The following FREM3 variants were observed in gnomAD, a reference collection of about 807,000 sequenced individuals.
The protein encoded by FREM3 is FRAS1-related extracellular matrix protein 3.
Under a neutral mutation model 129.1 loss-of-function variants are expected in FREM3, and 105 were observed. The ratio of observed to expected loss-of-function variants is 0.81; its 90% CI spans 0.69 to 0.96. FREM3 has a LOEUF of 0.96. Ranked by LOEUF, FREM3 falls within the 40% of genes least tolerant of loss-of-function variation. FREM3 has a pLI of 0.00. For missense variants in FREM3, 2,593 were observed against 2,666.3 expected (o/e 0.97, Z 0.61); for synonymous variants, 1,014 against 1,044.9 (o/e 0.97, Z 0.57).
intron 2 of FREM3, among the ~76,000 whole-genome samples, chr4:143,666,855 G>T (rs1475602349): frequency 1.3e-5 from 2 of 151,594 alleles, no homozygotes. Flanking sequence ...ACCTAAGAAT[G>T]GTTAAAATTA....
intron 6 of FREM3, 75 bp from the exon 7 acceptor site, chr4:143,586,068 G>T: frequency 7.2e-7 from 1 of 1,398,430 alleles, no homozygotes; most frequent in Non-Finnish European, 9.7e-7. Flanking sequence ...CCCTGTGTGA[G>T]CCTGGGCATT....
intron 2 of FREM3, among the ~76,000 whole-genome samples, chr4:143,642,232 C>A (rs1415579556): frequency 6.6e-6 from 1 of 151,968 alleles, no homozygotes; most frequent in Admixed American, 6.6e-5. Context: ...CTACCCAAAG[C>A]AATCTACAGA....
intron 2 of FREM3, among the ~76,000 whole-genome samples, chr4:143,650,781 C>A (rs935320311): frequency 6.6e-6 from 1 of 152,210 alleles, no homozygotes; most frequent in Non-Finnish European, 1.5e-5. Flanking sequence ...TATGAGCCAC[C>A]ACAGCCAGCA....
chr4:143,586,720 G>A (rs1367090451), intron 6 of FREM3, among the ~76,000 whole-genome samples: 6 of 152,144 alleles, frequency 3.9e-5, no homozygotes, highest in East Asian at 1.9e-4. Flanking sequence ...TCCATACCCC[G>A]TTCGCTCTTG....
intron 2 of FREM3, among the ~76,000 whole-genome samples, chr4:143,689,029 A>T (rs1350111278): frequency 6.6e-6 from 1 of 152,204 alleles, no homozygotes; most frequent in Non-Finnish European, 1.5e-5. Flanking sequence ...AATAGCCGGG[A>T]CCTAATTAAA....
At chr4:143,672,906 C>T (rs750248678) in intron 2 of FREM3, among the ~76,000 whole-genome samples, 7 of 152,178 alleles carry the variant, frequency 4.6e-5, no homozygotes, top group South Asian at 2.1e-4. Flanking sequence ...CTTGTGCATT[C>T]GTCACATGGT....
intron 2 of FREM3, among the ~76,000 whole-genome samples, chr4:143,634,540 C>T (rs1739201765): frequency 6.6e-6 from 1 of 152,012 alleles, no homozygotes; most frequent in East Asian, 1.9e-4. Flanking sequence ...GCTGGCCACC[C>T]CTGGACTTTG....
At chr4:143,647,961 A>G (rs1739448168) in intron 2 of FREM3, among the ~76,000 whole-genome samples, 1 of 152,220 alleles carries the variant, frequency 6.6e-6, no homozygotes, top group East Asian at 1.9e-4. Flanking sequence ...AAAGCTGTAG[A>G]CACTCAATGC....
At chr4:143,610,128 G>C (rs1197612106) in intron 6 of FREM3, among the ~76,000 whole-genome samples, 1 of 152,106 alleles carries the variant, frequency 6.6e-6, no homozygotes, top group African/African-American at 2.4e-5. Flanking sequence ...CTTAGCTCTT[G>C]ATACTTGTAA....
intron 2 of FREM3, among the ~76,000 whole-genome samples, chr4:143,662,074 TG>T (rs1176898755): frequency 6.6e-6 from 1 of 152,078 alleles, no homozygotes; most frequent in Non-Finnish European, 1.5e-5. Context: ...AAGGGTTTTT[TG>T]TGTCTCTATT....
At chr4:143,655,928 T>C (rs1739593752) in intron 2 of FREM3, among the ~76,000 whole-genome samples, 2 of 152,172 alleles carry the variant, frequency 1.3e-5, no homozygotes, top group Admixed American at 6.6e-5. Flanking sequence ...GTGTAATAAA[T>C]TTATCAAGTT....
intron 5 of FREM3, among the ~76,000 whole-genome samples, chr4:143,619,789 G>A (rs1738914642): frequency 6.6e-6 from 1 of 152,010 alleles, no homozygotes; most frequent in Admixed American, 6.6e-5. Context: ...TACTATTAAA[G>A]TTTCCATCTG....
At chr4:143,670,952 A>G (rs760107804) in intron 2 of FREM3, among the ~76,000 whole-genome samples, 1 of 152,128 alleles carries the variant, frequency 6.6e-6, no homozygotes, top group African/African-American at 2.4e-5. Context: ...GTTTTAATGC[A>G]AATACTAAAA....
chr4:143,678,869 T>A (rs1200800438), intron 2 of FREM3, among the ~76,000 whole-genome samples: 1 of 150,272 alleles, frequency 6.7e-6, no homozygotes, highest in East Asian at 2.0e-4. Context: ...TATGATGAAC[T>A]GTATTTCAAG....
At chr4:143,644,798 C>G (rs1739384719) in intron 2 of FREM3, among the ~76,000 whole-genome samples, 1 of 152,172 alleles carries the variant, frequency 6.6e-6, no homozygotes, top group African/African-American at 2.4e-5. Flanking sequence ...ACTGCTCTGG[C>G]AAGCCAAGGT....
chr4:143,696,962 A>T lies in FREM3; in HGVS notation c.3714T>A (p.His1238Gln). ...TAGCCAGCTGCTGTATGATTCGTCCATGCCGAGGGAGGGCTGTGAGTTGAA... is the reference window on the plus strand; with the variant it reads ...TAGCCAGCTGCTGTATGATTCGTCCTTGCCGAGGGAGGGCTGTGAGTTGAA... ...LHFQLTALPR[H>Q]GRIIQQLATG... Residue 1238 changes from histidine to glutamine, a missense_variant, in exon 1 of 8, where the codon CAT becomes CAA. His to Gln is a conservative substitution (Grantham distance 24). Around this residue, in one of 2 missense-constraint regions of FREM3, gnomAD observed 2,276 missense variants for 2,267.2 expected, o/e 1.00. Transcript: ENST00000329798. 2 of 1,537,734 alleles carry T rather than the reference A, an allele frequency of 1.3e-6. No individual in the cohort carries two copies. The highest frequency in any genetic ancestry group is 2.4e-5 in the East Asian group (1 of 40,896).
Position 143,695,737 on chromosome 4 carries a change from C to T in FREM3, c.4939G>A (p.Val1647Ile). The T allele has an allele frequency of 1.3e-6, 2 of 1,537,266 alleles. No homozygotes were observed. The highest frequency in any genetic ancestry group is 1.7e-6 in the Non-Finnish European group (2 of 1,146,922). The change falls in exon 1 of 8, where the codon GTA becomes ATA. Residue 1647 changes from valine to isoleucine, a missense_variant. Around this residue, in one of 2 missense-constraint regions of FREM3, gnomAD observed 2,276 missense variants for 2,267.2 expected, o/e 1.00. Transcript: ENST00000329798. ...AATGATCTTATCTGGACCCTCATTA[C>T]TTGAGGTTTGTGTGTCGCCAGGGCA... ...DTALATHKPQ[V>I]MRVQIRSLDN... is the part of the protein sequence containing the mutation.
chr4:143,599,308 T>C (rs953584087), intron 6 of FREM3, among the ~76,000 whole-genome samples: 8 of 152,144 alleles, frequency 5.3e-5, no homozygotes, highest in Non-Finnish European at 1.2e-4. Context: ...AGGGACACGA[T>C]ATTAGAGAAA....
At chr4:143,664,358 C>T (rs924241391) in intron 2 of FREM3, among the ~76,000 whole-genome samples, 4 of 152,212 alleles carry the variant, frequency 2.6e-5, no homozygotes, top group Middle Eastern at 3.4e-3. Flanking sequence ...CACTCCAGAC[C>T]CTGTTTGCCT....
Sources: allele counts gnomAD v4.1 joint callset (sites outside exome capture counted in the v4.1 genomes callset), GRCh38; gene constraint gnomAD v4.1.1; regional missense constraint gnomAD v4.1.1; transcripts MANE v1.5; gene names NCBI Gene and HGNC (gene_info 2026-07-23, HGNC 2026-07-21).